The following FANCD2OS variants were observed in gnomAD, a reference collection of about 807,000 sequenced individuals.
The protein encoded by FANCD2OS is FANCD2 opposite strand protein.
A neutral mutation model predicts 13.2 loss-of-function variants in FANCD2OS; 11 were observed. The observed-to-expected ratio is 0.83, with a 90% CI of 0.52 to 1.38. The LOEUF (loss-of-function observed/expected upper bound fraction) is 1.38, where lower values mean the gene tolerates loss of function less well. Among genes scored for constraint, FANCD2OS ranks in the 40% most tolerant of loss-of-function variants. The pLI, the probability that FANCD2OS is intolerant of heterozygous loss-of-function variation, is 0.00. For missense variants in FANCD2OS, 217 were observed against 213.9 expected (o/e 1.01, Z -0.09); for synonymous variants, 69 against 84.5 (o/e 0.82, Z 1.01).
chr3:10,092,139 T>C, intron 2 of FANCD2OS: 2 of 1,290,696 alleles, frequency 1.5e-6, no homozygotes, highest in Non-Finnish European at 2.3e-6. Context: ...AGGGAAGTAT[T>C]TGGCTGTGAC....
chr3:10,087,009 A>G, intron 2 of FANCD2OS: 1 of 1,053,188 alleles, frequency 9.5e-7, no homozygotes, highest in Non-Finnish European at 1.5e-6. Flanking sequence ...AGCACCTGAA[A>G]ATAAGGAGGA....
chr3:10,099,340 A>G (rs886057695), downstream of FANCD2OS: 10 of 1,200,430 alleles, frequency 8.3e-6, 1 homozygote, highest in South Asian at 3.9e-5. Flanking sequence ...AAATGTAGAC[A>G]TGGCTGGCGC....
chr3:10,083,209 AG>A (rs916675381), intron 2 of FANCD2OS, among the ~76,000 whole-genome samples: 8 of 152,172 alleles, frequency 5.3e-5, no homozygotes, highest in Non-Finnish European at 1.0e-4. Context: ...CCTGGGCAAC[AG>A]AACCAGACCC....
At chr3:10,084,087 G>A (rs113602719) in intron 2 of FANCD2OS, among the ~76,000 whole-genome samples, 4,537 of 151,186 alleles carry the variant, frequency 0.03, 236 homozygotes, top group African/African-American at 0.1. Context: ...TCTGCTGCCC[G>A]GGTTCAAGCG....
intron 2 of FANCD2OS, chr3:10,089,102 T>C (rs1368025977): frequency 2.4e-6 from 2 of 826,626 alleles, no homozygotes; most frequent in East Asian, 5.4e-5. Context: ...TTGGCCAACA[T>C]AGTGAAACCC....
chr3:10,102,597 G>A (rs1695347190), downstream of FANCD2OS, among the ~76,000 whole-genome samples: 1 of 151,700 alleles, frequency 6.6e-6, no homozygotes, highest in South Asian at 2.1e-4. Context: ...GGCTGAGGTG[G>A]GTGGATCAGG....
intron 2 of FANCD2OS, among the ~76,000 whole-genome samples, chr3:10,092,981 C>T (rs914837322): frequency 2.6e-5 from 4 of 152,134 alleles, no homozygotes; most frequent in African/African-American, 9.7e-5. Flanking sequence ...CATGAGCCAG[C>T]ATGCCCAGCC....
chr3:10,101,268 A>T (rs1337123352), downstream of FANCD2OS: 5 of 1,599,902 alleles, frequency 3.1e-6, no homozygotes, highest in Admixed American at 6.7e-5. Flanking sequence ...ATTAGACCCC[A>T]GATAAATTGT....
intron 2 of FANCD2OS, among the ~76,000 whole-genome samples, chr3:10,091,440 C>T (rs1267128733): frequency 1.3e-5 from 2 of 149,756 alleles, no homozygotes; most frequent in Non-Finnish European, 3.0e-5. Context: ...CCACTGCACT[C>T]CAACCTGGAT....
At chr3:10,107,443 G>A (rs905805207) in intron 1 of FANCD2OS, among the ~76,000 whole-genome samples, 8 of 151,736 alleles carry the variant, frequency 5.3e-5, no homozygotes, top group South Asian at 2.1e-4. Context: ...CTGCCACCAC[G>A]CCCGGCTAAT....
At chr3:10,099,228 CAG>C, downstream of FANCD2OS, 3 of 1,344,142 alleles carry the variant, frequency 2.2e-6, no homozygotes, top group Non-Finnish European at 2.9e-6. Flanking sequence ...AGCCAAAGCA[CAG>C]AGTCAGAAGC....
chr3:10,091,767 C>T (rs1694624041), intron 2 of FANCD2OS, among the ~76,000 whole-genome samples: 1 of 152,078 alleles, frequency 6.6e-6, no homozygotes, highest in Admixed American at 6.6e-5. Flanking sequence ...CAAAAAACAG[C>T]TTAGGAGAAA....
At chr3:10,089,203 T>A (rs1694427933) in intron 2 of FANCD2OS, among the ~76,000 whole-genome samples, 1 of 151,826 alleles carries the variant, frequency 6.6e-6, no homozygotes, top group Non-Finnish European at 1.5e-5. Context: ...GAGAATTGCT[T>A]GAACCTGGGA....
intron 2 of FANCD2OS, chr3:10,096,538 T>C (rs1694977957): frequency 1.3e-5 from 20 of 1,502,102 alleles, no homozygotes; most frequent in Non-Finnish European, 1.9e-5. Context: ...TCAGATGGCA[T>C]GTAAGGAAGG....
At position 10,105,764 on chromosome 3, in the gene FANCD2OS, AAAAAAAATTATATATATAT is replaced by A. The variant is rs1390960764; in HGVS notation, c.-8-1001_-8-983del. ...AGACTCCATCTAAAAAAAAAAAAAA[AAAAAAAATTATATATATAT>A]ATATATATATATATATATATATATA... On this transcript the variant is annotated intron_variant, in intron 1 of 1. Transcript: ENST00000450660. Among the ~76,000 whole-genome samples the A allele has an allele frequency of 2.2e-3, 148 of 67,062 alleles. 12 individuals are homozygous for A. Among genetic ancestry groups the A allele is most frequent in the African/African-American group, 0.015 (143 of 9,588 alleles). 44.0% of individuals were successfully genotyped at this position (67,062 alleles called of 152,430 possible). A position where few individuals can be genotyped will look rare whatever the true frequency, so the allele number is the denominator to read the frequency against.
intron 2 of FANCD2OS, among the ~76,000 whole-genome samples, chr3:10,084,686 A>G (rs138892285): frequency 1.4e-4 from 21 of 152,320 alleles, no homozygotes; most frequent in African/African-American, 4.8e-4. Context: ...CTGACACCTA[A>G]TAGGCCCTCA....
chr3:10,095,187 T>C (rs776010397), intron 2 of FANCD2OS: 2 of 1,607,470 alleles, frequency 1.2e-6, no homozygotes, highest in African/African-American at 1.3e-5. Context: ...ATTTATAAAC[T>C]TATTGGTTAT....
downstream of FANCD2OS, chr3:10,099,277 T>C (rs1419737050): frequency 3.9e-6 from 5 of 1,271,542 alleles, no homozygotes; most frequent in East Asian, 3.6e-5. Flanking sequence ...ATAGAAGTTC[T>C]TACGCTTTTT....
Position 10,104,416 on chromosome 3 carries a change from ACT to A in FANCD2OS, c.357_358del (p.Arg119SerfsTer12). The A allele has an allele frequency of 6.2e-7, 1 of 1,613,976 alleles. No homozygotes were observed. Among genetic ancestry groups the A allele is most frequent in the Non-Finnish European group, 8.5e-7 (1 of 1,179,994 alleles). ...TTTGCAAAAGGCTGACTTGTCTGAA[ACT>A]CTGAAAGTCCCGGTCCACTTTGGTG... On this transcript the variant is annotated frameshift_variant, in exon 2 of 2. Transcript: ENST00000450660. LOFTEE classifies it high-confidence loss of function.
Sources: allele counts gnomAD v4.1 joint callset (sites outside exome capture counted in the v4.1 genomes callset), GRCh38; gene constraint gnomAD v4.1.1; transcripts MANE v1.5; gene names NCBI Gene and HGNC (gene_info 2026-07-23, HGNC 2026-07-21).